ITGB2: variants seen among roughly 807,000 people sequenced by gnomAD.
ITGB2 encodes integrin subunit beta 2.
A neutral mutation model predicts 86.8 loss-of-function variants in ITGB2; 56 were observed. The observed-to-expected ratio is 0.65, with a 90% CI of 0.52 to 0.81. The LOEUF is 0.81. Ranked by LOEUF, ITGB2 falls within the 30% of genes least tolerant of loss-of-function variation. The probability of loss-of-function intolerance (pLI) is 0.00; values close to 1 mark genes in which losing one functional copy is unlikely to be tolerated. For missense variants in ITGB2, 948 were observed against 1,061.2 expected (o/e 0.89, Z 1.48); for synonymous variants, 457 against 450.4 (o/e 1.01, Z -0.19).
Position 44,906,998 on chromosome 21 carries a change from G to A in ITGB2, c.245C>T (p.Thr82Ile). 6.2e-7 allele frequency: 1 copy of A among 1,614,200 alleles called. No individual in the cohort carries two copies. Among genetic ancestry groups the A allele is most frequent in the Non-Finnish European group, 8.5e-7 (1 of 1,180,032 alleles). ...GTCTTCCTGGGTTTCAGCGAGGCTT[G>A]TGGGGTCCATGATGTCGTCAGCCGC... is the stretch of plus-strand genomic sequence containing the variant. ...GCAADDIMDP[T>I]SLAETQEDHN... Residue 82 changes from threonine to isoleucine, a missense_variant, in exon 4 of 16, where the codon ACA becomes ATA. Physicochemically the swap from Thr to Ile is moderately conservative, Grantham distance 89. Transcript: ENST00000652462.
chr21:44,893,040 G>A, intron 10 of ITGB2: 1 of 321,716 alleles, frequency 3.1e-6, no homozygotes, highest in Non-Finnish European at 6.2e-6. Context: ...TTGATGAGTA[G>A]GACTCTTGGG....
At position 44,901,453 on chromosome 21, in the gene ITGB2, G is replaced by A; in HGVS notation, c.741+39C>T. 9 of 1,607,756 alleles carry A rather than the reference G, an allele frequency of 5.6e-6. No homozygotes were observed. The South Asian group carries it at 7.7e-5, about 14-fold the overall frequency. On this transcript the variant is annotated intron_variant, in intron 6 of 15. Coordinates refer to ENST00000652462, the MANE Select transcript of ITGB2 (RefSeq NM_000211.5). ...AGCGCCTGACAGAGCCCCCCACACT[G>A]GGGGAACGTGGGGACCCAAGCAGGG...
chr21:44,900,572 C>T (rs771737958), intron 6 of ITGB2, 97 bp from the exon 7 acceptor site: 71 of 1,491,748 alleles, frequency 4.8e-5, no homozygotes, highest in East Asian at 9.2e-5. Context: ...TGGGGTGGCC[C>T]GGAGGCTGGT....
intron 1 of ITGB2, chr21:44,926,776 A>G (rs1479113585): frequency 6.6e-6 from 1 of 152,232 alleles, no homozygotes; most frequent in Non-Finnish European, 1.5e-5. Flanking sequence ...CAGAAATTCC[A>G]TTTGCAGTCA....
At chr21:44,913,747 G>T (rs1181180402) in intron 1 of ITGB2, among the ~76,000 whole-genome samples, 1 of 152,204 alleles carries the variant, frequency 6.6e-6, no homozygotes, top group African/African-American at 2.4e-5. Context: ...GATGGCCCAC[G>T]GAGGTCCAGG....
At chr21:44,909,829 C>T (rs1338829079) in intron 3 of ITGB2, among the ~76,000 whole-genome samples, 1 of 152,200 alleles carries the variant, frequency 6.6e-6, no homozygotes, top group Non-Finnish European at 1.5e-5. Flanking sequence ...TCCTCTTGGC[C>T]ACCTTGTCCC....
In ITGB2 at chr21:44,889,139, C is replaced by T. The variant is rs959719186; in HGVS notation, c.1877+137G>A. 1.1e-5 allele frequency: 9 copies of T among 841,180 alleles called. No homozygotes were observed. The South Asian group carries it at 1.1e-4, about 10-fold the overall frequency. The allele number at this position is 841,180 out of a possible 1,614,324, so 52.1% of individuals were successfully genotyped here. Reference sequence around the variant, plus strand: ...CAGGGGCACGGCGGCCGCGGAGGGCCCCTCAGTCCAGACGCACCCGCAGAG... The same window carrying T: ...CAGGGGCACGGCGGCCGCGGAGGGCTCCTCAGTCCAGACGCACCCGCAGAG... On this transcript the variant is annotated intron_variant, in intron 13 of 15. Coordinates refer to ENST00000652462, the MANE Select transcript of ITGB2 (RefSeq NM_000211.5).
Position 44,889,114 on chromosome 21 carries a change from CAG to C in ITGB2, c.1877+160_1877+161del, listed in dbSNP as rs34110149. On this transcript the variant is annotated intron_variant, in intron 13 of 15. Transcript: ENST00000652462. ...GTGCGCACAGGAGGGAGGAGGGACA[CAG>C]GGGCACGGCGGCCGCGGAGGGCCCC... The C allele has an allele frequency of 0.24, 178,844 of 740,482 alleles. 23,952 individuals are homozygous for C. The highest frequency in any genetic ancestry group is 0.31 in the Middle Eastern group (819 of 2,652). 45.9% of individuals were successfully genotyped at this position (740,482 alleles called of 1,614,324 possible).
intron 1 of ITGB2, among the ~76,000 whole-genome samples, chr21:44,914,854 G>A (rs551119337): frequency 6.6e-6 from 1 of 152,144 alleles, no homozygotes; most frequent in African/African-American, 2.4e-5. Context: ...GATCACTCGC[G>A]CCCAGGAGGG....
chr21:44,914,440 G>C (rs1488890080), intron 1 of ITGB2, among the ~76,000 whole-genome samples: 5 of 152,172 alleles, frequency 3.3e-5, no homozygotes, highest in African/African-American at 9.7e-5. Flanking sequence ...CCCCTCAGGG[G>C]CCGGGCGCCC....
upstream of ITGB2, among the ~76,000 whole-genome samples, chr21:44,922,342 A>C (rs967982777): frequency 2.0e-5 from 3 of 152,100 alleles, no homozygotes; most frequent in African/African-American, 4.8e-5. Flanking sequence ...GAATAAAAAT[A>C]GCATGTATAT....
chr21:44,886,162 C>T lies in ITGB2; in HGVS notation c.*206G>A. 1.6e-6 allele frequency: 1 copy of T among 617,810 alleles called. No homozygotes were observed. The highest frequency in any genetic ancestry group is 1.8e-5 in the South Asian group (1 of 54,722). 38.3% of individuals were successfully genotyped at this position (617,810 alleles called of 1,614,324 possible). ...AGCCCTCCCTCCTCAAGTCTCCATG[C>T]AAAGACTGTGCCAGTCAGAGTGGAG... On this transcript the variant is annotated 3_prime_UTR_variant, in exon 16 of 16. Coordinates refer to ENST00000652462, the MANE Select transcript of ITGB2 (RefSeq NM_000211.5).
chr21:44,895,090 G>A (rs376356944), intron 8 of ITGB2, 30 bp from the exon 9 acceptor site: 27 of 1,511,736 alleles, frequency 1.8e-5, no homozygotes, highest in African/African-American at 6.9e-5. Flanking sequence ...GACATGGCAC[G>A]GCTAGGACCT....
chr21:44,924,765 C>G (rs539481206), upstream of ITGB2, among the ~76,000 whole-genome samples: 1 of 152,150 alleles, frequency 6.6e-6, no homozygotes, highest in Non-Finnish European at 1.5e-5. Context: ...ACTCACGCTA[C>G]GGGGTAATGA....
Position 44,889,337 on chromosome 21 carries a change from C to G in ITGB2, c.1816G>C (p.Gly606Arg). The change falls in exon 13 of 16, where the codon GGC (glycine) becomes CGC (arginine). Residue 606 changes from glycine (G) to arginine (R), a missense_variant. By Grantham distance (125) the Gly-to-Arg change is moderately radical. Transcript: ENST00000652462. Reference sequence around the variant, plus strand: ...TCCTGGCACAGAGGCAGCTGGTAGCCTGAATGGCACTCGCATACGTTGCAG... The same window carrying G: ...TCCTGGCACAGAGGCAGCTGGTAGCGTGAATGGCACTCGCATACGTTGCAG... ...CRCNVCECHS[G>R]YQLPLCQECP... 1 of 1,612,932 alleles carries G rather than the reference C, an allele frequency of 6.2e-7. No homozygotes were observed.
chr21:44,900,846 A>G (rs1390783544), intron 6 of ITGB2, among the ~76,000 whole-genome samples: 2 of 152,196 alleles, frequency 1.3e-5, no homozygotes, highest in East Asian at 1.9e-4. Flanking sequence ...ATGGAGGAAA[A>G]CGAGCCTGAG....
chr21:44,924,649 T>C (rs1313394601), upstream of ITGB2, among the ~76,000 whole-genome samples: 4 of 151,914 alleles, frequency 2.6e-5, no homozygotes, highest in African/African-American at 7.3e-5. Flanking sequence ...CGGACACAAT[T>C]GAATGAAATT....
At chr21:44,926,094 G>T (rs537086799) in intron 1 of ITGB2, among the ~76,000 whole-genome samples, 1 of 152,228 alleles carries the variant, frequency 6.6e-6, no homozygotes, top group African/African-American at 2.4e-5. Context: ...AACAGAGCGA[G>T]ACTCCGTCTC....
chr21:44,889,135 G>A, intron 13 of ITGB2, 141 bp downstream of exon 13: 2 of 819,266 alleles, frequency 2.4e-6, no homozygotes, highest in East Asian at 5.3e-5. Flanking sequence ...CGGCCGCGGA[G>A]GGCCCCTCAG....
Sources: gnomAD v4.1 joint callset for allele counts (sites outside exome capture counted in the v4.1 genomes callset) on GRCh38, gnomAD v4.1.1 for gene constraint, MANE v1.5 for transcripts, NCBI Gene and HGNC (gene_info 2026-07-23, HGNC 2026-07-21) for gene names.